RASGRP3: variants seen among roughly 807,000 people sequenced by gnomAD.
The protein encoded by RASGRP3 is ras guanyl-releasing protein 3.
Under a neutral mutation model 82.7 loss-of-function variants are expected in RASGRP3, and 54 were observed. The observed-to-expected ratio is 0.65, with a 90% CI of 0.52 to 0.82. The LOEUF (loss-of-function observed/expected upper bound fraction) is 0.82, where lower values mean the gene tolerates loss of function less well. Among genes scored for constraint, RASGRP3 ranks in the 40% least tolerant of loss-of-function variants. The probability of loss-of-function intolerance (pLI) is 0.00; values close to 1 mark genes in which losing one functional copy is unlikely to be tolerated. For missense variants in RASGRP3, 861 were observed against 828.9 expected (o/e 1.04, Z -0.48); for synonymous variants, 309 against 300.5 (o/e 1.03, Z -0.29).
At chr2:33,512,400 T>TA (rs922059266) in intron 2 of RASGRP3, among the ~76,000 whole-genome samples, 7 of 151,406 alleles carry the variant, frequency 4.6e-5, no homozygotes, top group East Asian at 1.9e-4. Flanking sequence ...AGTAACAGGC[T>TA]AAAAAAAAAT....
At chr2:33,466,735 A>G (rs150921601) in intron 2 of RASGRP3, among the ~76,000 whole-genome samples, 5 of 152,180 alleles carry the variant, frequency 3.3e-5, no homozygotes, top group Non-Finnish European at 7.4e-5. Context: ...GGGGAAACAG[A>G]CATAACGCTA....
chr2:33,488,488 G>A (rs961953299), intron 1 of RASGRP3, among the ~76,000 whole-genome samples: 1 of 152,168 alleles, frequency 6.6e-6, no homozygotes, highest in African/African-American at 2.4e-5. Context: ...CCAAGTAGCT[G>A]GGCCGTAGGA....
chr2:33,511,152 G>A (rs1670887520), intron 1 of RASGRP3, among the ~76,000 whole-genome samples: 1 of 152,114 alleles, frequency 6.6e-6, no homozygotes, highest in South Asian at 2.1e-4. Context: ...TCAGACTTGG[G>A]AGAAAATGTA....
intron 1 of RASGRP3, among the ~76,000 whole-genome samples, chr2:33,487,498 T>G (rs1053696320): frequency 2.6e-5 from 4 of 152,198 alleles, no homozygotes; most frequent in African/African-American, 9.7e-5. Context: ...GGTTTTAATT[T>G]GAATAATCAG....
chr2:33,521,939 C>T lies in RASGRP3; in HGVS notation c.369-16C>T, dbSNP rs1672074401. The T allele has an allele frequency of 1.2e-6, 2 of 1,600,438 alleles. No homozygotes were observed. The highest frequency in any genetic ancestry group is 1.7e-6 in the Non-Finnish European group (2 of 1,175,820). ...GGGCTTTCAACACATTGACCGGACT[C>T]ACTCTTCTTTTATAGTCCTTCCTAT... On this transcript the variant is annotated splice_polypyrimidine_tract_variant and intron_variant, in intron 6 of 17. Coordinates refer to ENST00000403687, the MANE Select transcript of RASGRP3 (RefSeq NM_001139488.2).
Position 33,522,092 on chromosome 2 carries a change from G to T in RASGRP3, c.506G>T (p.Arg169Ile). Reference sequence around the variant, plus strand: ...ACTTTTCTGGAGCATAAATCTTTTAGAAGGATCTCAGTAAGAAACTTGACA... The same window carrying T: ...ACTTTTCTGGAGCATAAATCTTTTATAAGGATCTCAGTAAGAAACTTGACA... Reference protein sequence around the residue: ...HLTFLEHKSFRRISFTDYQSY... With the variant: ...HLTFLEHKSFIRISFTDYQSY... Residue 169 changes from arginine to isoleucine, a missense_variant, in exon 7 of 18, where the codon AGA becomes ATA. Coordinates refer to ENST00000403687, the MANE Select transcript of RASGRP3 (RefSeq NM_001139488.2). 6.2e-7 allele frequency: 1 copy of T among 1,605,556 alleles called. No individual in the cohort carries two copies. Among genetic ancestry groups the T allele is most frequent in the Non-Finnish European group, 8.5e-7 (1 of 1,177,954 alleles).
In RASGRP3 at chr2:33,497,610, T is replaced by C. The variant is rs142038057; in HGVS notation, c.-260-14100T>C. Among the ~76,000 whole-genome samples, 921 of 152,344 alleles carry C rather than the reference T, an allele frequency of 6.0e-3. 33 individuals carry two copies. Among genetic ancestry groups the C allele is most frequent in the Admixed American group, 0.056 (859 of 15,298 alleles). On this transcript the variant is annotated intron_variant, in intron 1 of 17. Coordinates refer to ENST00000403687, the MANE Select transcript of RASGRP3 (RefSeq NM_001139488.2). Reference sequence around the variant, plus strand: ...ATGCAATGTCCAGACTTGGATCCCATTCAAGATTCATTGGTCTATTACTGA... The same window carrying C: ...ATGCAATGTCCAGACTTGGATCCCACTCAAGATTCATTGGTCTATTACTGA...
chr2:33,468,894 AG>A (rs542665449), intron 2 of RASGRP3, among the ~76,000 whole-genome samples: 194 of 152,324 alleles, frequency 1.3e-3, no homozygotes, highest in African/African-American at 4.4e-3. Flanking sequence ...GCTGAGTTAA[AG>A]GGTATTCACA....
At chr2:33,464,518 G>C (rs886970157) in intron 2 of RASGRP3, among the ~76,000 whole-genome samples, 4 of 149,582 alleles carry the variant, frequency 2.7e-5, no homozygotes, top group Admixed American at 1.3e-4. Context: ...CTGTCGCCCA[G>C]GCTGGAGTGC....
At chr2:33,440,545 C>T (rs1665169055) in intron 1 of RASGRP3, among the ~76,000 whole-genome samples, 1 of 152,220 alleles carries the variant, frequency 6.6e-6, no homozygotes, top group Non-Finnish European at 1.5e-5. Context: ...TGCTAGAACC[C>T]AGTTTTTAGC....
intron 7 of RASGRP3, among the ~76,000 whole-genome samples, chr2:33,523,432 T>G (rs1230842104): frequency 6.7e-6 from 1 of 149,522 alleles, no homozygotes; most frequent in African/African-American, 2.5e-5. Context: ...GCCACTGCAC[T>G]CCAGCCTGGC....
At chr2:33,472,737 A>G (rs1299908468), upstream of RASGRP3, among the ~76,000 whole-genome samples, 1 of 151,734 alleles carries the variant, frequency 6.6e-6, no homozygotes, top group African/African-American at 2.4e-5. Context: ...CGGGCAGATC[A>G]CGAGGTCAGG....
intron 1 of RASGRP3, among the ~76,000 whole-genome samples, chr2:33,500,674 G>A (rs920690409): frequency 9.2e-5 from 14 of 152,330 alleles, no homozygotes; most frequent in African/African-American, 2.9e-4. Flanking sequence ...GGTGGCCCAC[G>A]CCTGTAATCC....
chr2:33,521,106 A>G (rs1671988281), intron 6 of RASGRP3, among the ~76,000 whole-genome samples: 1 of 152,126 alleles, frequency 6.6e-6, no homozygotes, highest in Non-Finnish European at 1.5e-5. Flanking sequence ...CCCACCTTAA[A>G]CCTGAATTGG....
In RASGRP3 at chr2:33,464,110, A is replaced by AATAATAATTATTATT. The variant is rs1398514920; in HGVS notation, c.-261+16169_-261+16170insAATAATTATTATTAT. ...AATATTCAAACTTAATAATAATAAT[A>AATAATAATTATTATT]ATTATTATTATTATTATTATTATTA... On this transcript the variant is annotated intron_variant, in intron 2 of 18. Transcript: ENST00000402538. Among the ~76,000 whole-genome samples the AATAATAATTATTATT allele has an allele frequency of 4.3e-4, 62 of 144,258 alleles. No homozygotes were observed. The Middle Eastern group carries it at 0.014, about 33-fold the overall frequency. The allele number at this position is 144,258 out of a possible 152,430, so 94.6% of individuals were successfully genotyped here.
Position 33,559,036 on chromosome 2 carries a change from T to C in RASGRP3, c.2064+6T>C. The C allele has an allele frequency of 6.3e-7, 1 of 1,579,932 alleles. No individual in the cohort carries two copies. The highest frequency in any genetic ancestry group is 8.6e-7 in the Non-Finnish European group (1 of 1,165,230). On this transcript the variant is annotated splice_donor_region_variant and intron_variant, in intron 17 of 17. Coordinates refer to ENST00000403687, the MANE Select transcript of RASGRP3 (RefSeq NM_001139488.2). ...AGACCAGACAGGATGGTGAGGTAAG[T>C]GCTAGGTCAACCCACAAAGAAAACC...
intron 1 of RASGRP3, among the ~76,000 whole-genome samples, chr2:33,499,781 A>AGGG (rs1669689868): frequency 1.5e-5 from 2 of 137,458 alleles, no homozygotes; most frequent in African/African-American, 5.5e-5. Context: ...AAAAGAGAGG[A>AGGG]TAAGATTAGA....
At chr2:33,557,457 C>T (rs538613460) in intron 15 of RASGRP3, among the ~76,000 whole-genome samples, 130 of 152,158 alleles carry the variant, frequency 8.5e-4, no homozygotes, top group South Asian at 5.8e-3. Context: ...CGCCTGTAAT[C>T]CCAGCACTTT....
chr2:33,497,624 G>A (rs1265386451), intron 1 of RASGRP3, among the ~76,000 whole-genome samples: 3 of 152,136 alleles, frequency 2.0e-5, no homozygotes. Flanking sequence ...AGATTCATTG[G>A]TCTATTACTG....
Sources: gnomAD v4.1 joint callset for allele counts (sites outside exome capture counted in the v4.1 genomes callset) on GRCh38, gnomAD v4.1.1 for gene constraint, MANE v1.5 for transcripts, NCBI Gene and HGNC (gene_info 2026-07-23, HGNC 2026-07-21) for gene names.